Variants in NEK6 observed in about 807,000 individuals in gnomAD.
NEK6 encodes NIMA related kinase 6, also known as serine/threonine-protein kinase Nek6.
A neutral mutation model predicts 43.5 loss-of-function variants in NEK6; 27 were observed. The observed-to-expected ratio is 0.62, with a 90% CI of 0.46 to 0.86. The LOEUF is 0.86. Among genes scored for constraint, NEK6 ranks in the 40% least tolerant of loss-of-function variants. The probability of loss-of-function intolerance (pLI) is 0.00; values close to 1 mark genes in which losing one functional copy is unlikely to be tolerated. For missense variants in NEK6, 318 were observed against 414.4 expected (o/e 0.77, Z 2.02); for synonymous variants, 167 against 164.1 (o/e 1.02, Z -0.14).
At chr9:124,269,426 T>G (rs1564613812) in intron 1 of NEK6, among the ~76,000 whole-genome samples, 1 of 151,248 alleles carries the variant, frequency 6.6e-6, no homozygotes, top group Non-Finnish European at 1.5e-5. Context: ...CAGGCTGGAG[T>G]GCAATGGCAC....
At chr9:124,317,609 T>C (rs1429200057) in intron 4 of NEK6, among the ~76,000 whole-genome samples, 2 of 152,220 alleles carry the variant, frequency 1.3e-5, no homozygotes, top group African/African-American at 4.8e-5. Context: ...AGATTTGGGC[T>C]TCTGATCCCG....
intron 2 of NEK6, among the ~76,000 whole-genome samples, chr9:124,310,420 C>T (rs1833472197): frequency 6.6e-6 from 1 of 152,214 alleles, no homozygotes. Context: ...TCTTCCTCCT[C>T]CAGCAGCCCT....
intron 1 of NEK6, among the ~76,000 whole-genome samples, chr9:124,268,644 C>T (rs996839789): frequency 8.5e-5 from 13 of 152,288 alleles, no homozygotes; most frequent in Admixed American, 1.3e-4. Flanking sequence ...CACGTGGTGA[C>T]GTCCCCAGAA....
chr9:124,291,079 G>A (rs1832395033), intron 1 of NEK6, among the ~76,000 whole-genome samples: 1 of 152,160 alleles, frequency 6.6e-6, no homozygotes, highest in South Asian at 2.1e-4. Flanking sequence ...CCACTGATGG[G>A]GTATCTGCCT....
intron 1 of NEK6, among the ~76,000 whole-genome samples, chr9:124,273,309 T>A (rs1831520265): frequency 6.6e-6 from 1 of 152,132 alleles, no homozygotes; most frequent in Non-Finnish European, 1.5e-5. Context: ...CATCCTGCAT[T>A]TGGATAAACT....
At chr9:124,349,088 C>T (rs1801159039) in intron 9 of NEK6, among the ~76,000 whole-genome samples, 2 of 152,246 alleles carry the variant, frequency 1.3e-5, no homozygotes, top group East Asian at 1.9e-4. Context: ...CCTCGCAGGG[C>T]ACCTGTGCTG....
At chr9:124,302,558 C>T (rs1447179096) in intron 2 of NEK6, among the ~76,000 whole-genome samples, 1 of 152,260 alleles carries the variant, frequency 6.6e-6, no homozygotes, top group East Asian at 1.9e-4. Context: ...GCCTGCCTCT[C>T]GCTCTCTCTA....
chr9:124,275,017 C>T lies in NEK6; in HGVS notation c.-30+16932C>T, dbSNP rs1831596497. ...GTACAATTCTTAACCTGAGCAGGGA[C>T]CCCAGGGGCACGAGCTCTGCTTAGT... is the stretch of plus-strand genomic sequence containing the variant. On this transcript the variant is annotated intron_variant, in intron 1 of 9. Coordinates refer to ENST00000320246, the MANE Select transcript of NEK6 (RefSeq NM_014397.6). This position sits in a 1 kb window ranked among gnomAD's most constrained non-coding sequence, Gnocchi z 4.4. Among the ~76,000 whole-genome samples, 3 of 152,178 alleles carry T rather than the reference C, an allele frequency of 2.0e-5. No homozygotes were observed. Among genetic ancestry groups the T allele is most frequent in the Non-Finnish European group, 4.4e-5 (3 of 68,040 alleles).
chr9:124,295,297 C>A (rs1028034890), intron 1 of NEK6, among the ~76,000 whole-genome samples: 3 of 152,224 alleles, frequency 2.0e-5, no homozygotes, highest in Non-Finnish European at 4.4e-5. Flanking sequence ...CGGCCGGAAA[C>A]CAGACTCCAT....
intron 7 of NEK6, among the ~76,000 whole-genome samples, chr9:124,329,409 T>TG (rs1460873830): frequency 6.6e-6 from 1 of 152,228 alleles, no homozygotes; most frequent in African/African-American, 2.4e-5. Flanking sequence ...TCATTAGGAA[T>TG]GGGCAGAGAT....
Position 124,326,627 on chromosome 9 carries a change from A to G in NEK6, c.514+189A>G, listed in dbSNP as rs926958114. The stretch of plus-strand genomic sequence containing the variant: ...CGGGTCAGGAACCTCCCCGAGGTGG[A>G]AAGTGACATGAGCCCCAGGGGGCAG... On this transcript the variant is annotated intron_variant, in intron 6 of 9. Coordinates refer to ENST00000320246, the MANE Select transcript of NEK6 (RefSeq NM_014397.6). This position sits in a 1 kb window ranked among gnomAD's most constrained non-coding sequence, Gnocchi z 4.5. Among the ~76,000 whole-genome samples the G allele has an allele frequency of 6.6e-6, 1 of 152,158 alleles. No individual in the cohort carries two copies. Among genetic ancestry groups the G allele is most frequent in the African/African-American group, 2.4e-5 (1 of 41,444 alleles).
At chr9:124,299,698 C>T (rs1267766099) in intron 1 of NEK6, among the ~76,000 whole-genome samples, 3 of 152,112 alleles carry the variant, frequency 2.0e-5, no homozygotes, top group Non-Finnish European at 2.9e-5. Flanking sequence ...GAGGCAGGTG[C>T]ACCCATAATG....
chr9:124,335,539 G>GGCA (rs1564656657), intron 7 of NEK6, among the ~76,000 whole-genome samples: 1 of 152,182 alleles, frequency 6.6e-6, no homozygotes, highest in South Asian at 2.1e-4. Context: ...GTTGAGCTCC[G>GGCA]GGCAGCCATC....
At chr9:124,312,861 C>T (rs148939877) in intron 3 of NEK6, among the ~76,000 whole-genome samples, 69 of 152,312 alleles carry the variant, frequency 4.5e-4, no homozygotes, top group Non-Finnish European at 5.6e-4. Flanking sequence ...ATGCATTGAG[C>T]GCCTGCTGTG....
At chr9:124,347,542 G>A (rs530555050) in intron 8 of NEK6, among the ~76,000 whole-genome samples, 167 bp from the exon 9 acceptor site, 136 of 152,308 alleles carry the variant, frequency 8.9e-4, no homozygotes, top group African/African-American at 3.2e-3. Context: ...CTGCTCCTCT[G>A]TTGAACCCCA....
intron 1 of NEK6, among the ~76,000 whole-genome samples, chr9:124,287,223 C>G (rs1201013606): frequency 6.6e-6 from 1 of 152,164 alleles, no homozygotes; most frequent in Admixed American, 6.5e-5. Context: ...AGGATTGGGG[C>G]CCCCAGGTCC....
At chr9:124,314,090 C>CAGCCCCTGCTAA in intron 4 of NEK6, 105 bp downstream of exon 4, 1 of 990,722 alleles carries the variant, frequency 1.0e-6, no homozygotes, top group Non-Finnish European at 1.5e-6. Flanking sequence ...CAGGAATCCG[C>CAGCCCCTGCTAA]AGCCCCTGCT....
intron 1 of NEK6, among the ~76,000 whole-genome samples, chr9:124,288,777 G>A (rs1462273650): frequency 1.3e-5 from 2 of 152,216 alleles, no homozygotes; most frequent in African/African-American, 2.4e-5. Flanking sequence ...TCACATGGGC[G>A]GATGGAGGCA....
intron 1 of NEK6, among the ~76,000 whole-genome samples, chr9:124,301,211 G>A (rs1017625072): frequency 6.6e-6 from 1 of 152,180 alleles, no homozygotes; most frequent in African/African-American, 2.4e-5. Context: ...TAAAATATTG[G>A]GGGAGATGCC....
Sources: gnomAD v4.1 joint callset for allele counts (sites outside exome capture counted in the v4.1 genomes callset) on GRCh38, gnomAD v4.1.1 for gene constraint, Gnocchi (gnomAD v3.1) non-coding constraint, MANE v1.5 for transcripts, NCBI Gene and HGNC (gene_info 2026-07-23, HGNC 2026-07-21) for gene names.